The following CDYL2 variants were observed in gnomAD, a reference collection of about 807,000 sequenced individuals.
CDYL2 encodes chromodomain Y like 2.
A neutral mutation model predicts 49.4 loss-of-function variants in CDYL2; 23 were observed. The ratio of observed to expected loss-of-function variants is 0.47; its 90% CI spans 0.34 to 0.66. The LOEUF (loss-of-function observed/expected upper bound fraction) is 0.66. CDYL2 is among the 30% of genes least tolerant of loss of function. The pLI, the probability that CDYL2 is intolerant of heterozygous loss-of-function variation, is 0.01. For synonymous variants in CDYL2, 360 were observed against 268.8 expected (o/e 1.34, Z -3.32); for missense variants, 678 against 656.4 (o/e 1.03, Z -0.36).
chr16:80,758,202 ATTAATAATTAGTTACACAGAAAAGAAC>A (rs1277451534), intron 1 of CDYL2, among the ~76,000 whole-genome samples: 1 of 152,202 alleles, frequency 6.6e-6, no homozygotes, highest in African/African-American at 2.4e-5. Flanking sequence ...GACACCAATT[ATTAATAATTAGTTACACAGAAAAGAAC>A]TTAGCTAAGA....
In CDYL2 at chr16:80,603,027, G is replaced by C. The variant is rs1014128645; in HGVS notation, c.*1361C>G. On this transcript the variant is annotated 3_prime_UTR_variant, in exon 7 of 7. Transcript: ENST00000570137. ...GCTGCTGGAGTCCCCTTGCAGCCCA[G>C]GGGCACAGGGGCAAGGAGATCTCAT... The C allele has an allele frequency of 6.6e-6, 1 of 152,184 alleles. No homozygotes were observed. Among genetic ancestry groups the C allele is most frequent in the Non-Finnish European group, 1.5e-5 (1 of 68,050 alleles). The allele number at this position is 152,184 out of a possible 1,614,324, so 9.4% of individuals were successfully genotyped here.
chr16:80,762,281 G>C (rs988714507), intron 1 of CDYL2, among the ~76,000 whole-genome samples: 1 of 152,232 alleles, frequency 6.6e-6, no homozygotes, highest in Non-Finnish European at 1.5e-5. Flanking sequence ...GTCGCAGAGT[G>C]AAATTCTGAC....
intron 1 of CDYL2, among the ~76,000 whole-genome samples, chr16:80,774,169 A>G (rs1907002776): frequency 6.6e-6 from 1 of 152,208 alleles, no homozygotes; most frequent in African/African-American, 2.4e-5. Flanking sequence ...AGTGACAAAA[A>G]CAAAGAAAAT....
At chr16:80,676,263 T>G (rs890856898) in intron 2 of CDYL2, among the ~76,000 whole-genome samples, 2 of 152,156 alleles carry the variant, frequency 1.3e-5, no homozygotes, top group Admixed American at 6.5e-5. Context: ...ACCCTCAAGT[T>G]TTTGTTGTTA....
At chr16:80,773,501 T>A (rs949604787) in intron 1 of CDYL2, among the ~76,000 whole-genome samples, 1 of 152,076 alleles carries the variant, frequency 6.6e-6, no homozygotes, top group African/African-American at 2.4e-5. Context: ...AAAACACACA[T>A]AGAATGCTGT....
chr16:80,791,922 G>T (rs1297444654), intron 1 of CDYL2, among the ~76,000 whole-genome samples: 1 of 152,156 alleles, frequency 6.6e-6, no homozygotes, highest in Non-Finnish European at 1.5e-5. Flanking sequence ...CAGCTGAGAG[G>T]TACTAGAAAG....
chr16:80,675,135 G>C (rs902698440), intron 2 of CDYL2, among the ~76,000 whole-genome samples: 1 of 152,220 alleles, frequency 6.6e-6, no homozygotes, highest in African/African-American at 2.4e-5. Context: ...CAGGGGTGTT[G>C]GCCAGAACAA....
chr16:80,781,308 C>G (rs200786584), intron 1 of CDYL2, among the ~76,000 whole-genome samples: 1 of 152,048 alleles, frequency 6.6e-6, no homozygotes, highest in South Asian at 2.1e-4. Flanking sequence ...TTTTTAAATA[C>G]TAATATTGTT....
At chr16:80,760,847 T>A (rs1219791251) in intron 1 of CDYL2, among the ~76,000 whole-genome samples, 1 of 151,736 alleles carries the variant, frequency 6.6e-6, no homozygotes, top group African/African-American at 2.4e-5. Context: ...ATTCTTGAAA[T>A]CATAGAAACT....
chr16:80,701,541 C>CA lies in CDYL2; in HGVS notation c.25-16413dup, dbSNP rs574704285. ...ATCATGGGGAAAAATGAGCACATTC[C>CA]AAAAAACAACCAAAAAAACACCGAA... On this transcript the variant is annotated intron_variant, in intron 1 of 6. Coordinates refer to ENST00000570137, the MANE Select transcript of CDYL2 (RefSeq NM_152342.4). 3.7e-3 allele frequency among the ~76,000 whole-genome samples: 564 copies of CA among 151,916 alleles called. 5 individuals are homozygous for CA. Among genetic ancestry groups the CA allele is most frequent in the African/African-American group, 0.013 (534 of 41,432 alleles).
intron 2 of CDYL2, among the ~76,000 whole-genome samples, chr16:80,657,775 C>T (rs914478627): frequency 3.3e-5 from 5 of 151,988 alleles, no homozygotes; most frequent in African/African-American, 4.8e-5. Context: ...CTTACTCTCA[C>T]GAAACCCAGC....
rs1032871818 is a variant in CDYL2 at position 80,712,185 on chromosome 16, G to GTATATATATATATA, written c.25-27057_25-27056insTATATATATATATA. On this transcript the variant is annotated intron_variant, in intron 1 of 6. Transcript: ENST00000570137. ...TGTATATATATGTGTCTTTGTGTCT[G>GTATATATATATATA]TGTGTGTATATATATATATATATAT... 4.5e-4 allele frequency among the ~76,000 whole-genome samples: 7 copies of GTATATATATATATA among 15,578 alleles called. No homozygotes were observed. In the East Asian group the frequency reaches 5.9e-3, roughly 13 times the overall value. The allele number at this position is 15,578 out of a possible 152,430, so 10.2% of individuals were successfully genotyped here.
At chr16:80,803,904 G>C (rs1908009502) in intron 1 of CDYL2, among the ~76,000 whole-genome samples, 1 of 146,262 alleles carries the variant, frequency 6.8e-6, no homozygotes, top group Admixed American at 6.8e-5. Flanking sequence ...TGGAGTAAGA[G>C]AGTGTGTGTG....
chr16:80,626,530 T>A (rs1485204894), intron 3 of CDYL2, among the ~76,000 whole-genome samples: 1 of 152,158 alleles, frequency 6.6e-6, no homozygotes, highest in Non-Finnish European at 1.5e-5. Context: ...AATTTAGGGA[T>A]AACTTCTTAA....
chr16:80,654,161 C>T (rs114436509), intron 2 of CDYL2, among the ~76,000 whole-genome samples: 2,544 of 152,294 alleles, frequency 0.017, 58 homozygotes, highest in African/African-American at 0.038. Context: ...AGGCACTGAC[C>T]ATGTGCTCAG....
At chr16:80,695,551 T>C (rs185604492) in intron 1 of CDYL2, among the ~76,000 whole-genome samples, 1 of 152,140 alleles carries the variant, frequency 6.6e-6, no homozygotes, top group Admixed American at 6.5e-5. Flanking sequence ...AGTGAAGGGA[T>C]GGAAAAAGAT....
At chr16:80,643,798 C>A (rs1324655185) in intron 2 of CDYL2, among the ~76,000 whole-genome samples, 2 of 152,176 alleles carry the variant, frequency 1.3e-5, no homozygotes, top group African/African-American at 4.8e-5. Context: ...GCAACAGGAC[C>A]CCGGGCCCAG....
intron 2 of CDYL2, among the ~76,000 whole-genome samples, chr16:80,670,580 A>G (rs571150216): frequency 6.6e-6 from 1 of 152,254 alleles, no homozygotes; most frequent in African/African-American, 2.4e-5. Context: ...TGTGGCTGAC[A>G]TGGAGAAGGG....
intron 3 of CDYL2, among the ~76,000 whole-genome samples, chr16:80,631,623 T>C (rs1236741972): frequency 1.3e-5 from 2 of 152,204 alleles, no homozygotes; most frequent in African/African-American, 4.8e-5. Context: ...ACTCTCAGAA[T>C]AGGAGAACAT....
Sources: gnomAD v4.1 joint callset for allele counts (sites outside exome capture counted in the v4.1 genomes callset) on GRCh38, gnomAD v4.1.1 for gene constraint, MANE v1.5 for transcripts, NCBI Gene and HGNC (gene_info 2026-07-23, HGNC 2026-07-21) for gene names.